Variants in SHANK2 observed in about 807,000 individuals in gnomAD.
SHANK2 encodes SH3 and multiple ankyrin repeat domains 2.
In SHANK2, 43 loss-of-function variants were observed where a neutral mutation model predicts 133.7. That is an observed-to-expected ratio of 0.32 (90% CI 0.25 to 0.41). The LOEUF is 0.41. Ranked by LOEUF, SHANK2 falls within the 10% of genes least tolerant of loss-of-function variation. SHANK2 has a pLI of 1.00. For synonymous variants in SHANK2, 1,017 were observed against 952.8 expected (o/e 1.07, Z -1.24); for missense variants, 1,994 against 2,235.8 (o/e 0.89, Z 2.18).
intron 11 of SHANK2, among the ~76,000 whole-genome samples, chr11:70,856,773 T>C (rs1402566746): frequency 6.6e-6 from 1 of 152,160 alleles, no homozygotes; most frequent in Non-Finnish European, 1.5e-5. Flanking sequence ...TCAAGGATCT[T>C]ACACAGAGTC....
intron 13 of SHANK2, among the ~76,000 whole-genome samples, chr11:70,799,668 G>C (rs1393963794): frequency 6.6e-6 from 1 of 152,116 alleles, no homozygotes; most frequent in African/African-American, 2.4e-5. Context: ...TTCCCCAGGA[G>C]AGAAGGGATG....
intron 1 of SHANK2, among the ~76,000 whole-genome samples, chr11:71,248,665 G>C (rs1948128689): frequency 6.6e-6 from 1 of 152,200 alleles, no homozygotes; most frequent in Admixed American, 6.5e-5. Context: ...TGCAGCTCCT[G>C]ACGTTATTAT....
rs78567887 is a variant in SHANK2 at position 71,203,912 on chromosome 11, G to C, written c.-13+20785C>G. Among the ~76,000 whole-genome samples, 321 of 152,332 alleles carry C rather than the reference G, an allele frequency of 2.1e-3. 1 individual carries two copies. Among genetic ancestry groups the C allele is most frequent in the Non-Finnish European group, 3.2e-3 (221 of 68,032 alleles). On this transcript the variant is annotated intron_variant, in intron 2 of 25. Coordinates refer to ENST00000601538, the MANE Select transcript of SHANK2 (RefSeq NM_012309.5). ...CCTTGTGTGCTGTCACACATCTTTG[G>C]GGGGAACCATCTACGTGCCGCCCCG...
chr11:70,900,673 T>C (rs1389896816), intron 10 of SHANK2, among the ~76,000 whole-genome samples: 1 of 152,186 alleles, frequency 6.6e-6, no homozygotes. Flanking sequence ...AATGCAAACA[T>C]TTACTTGTGA....
chr11:70,911,349 CCA>C (rs1555078983), intron 10 of SHANK2, among the ~76,000 whole-genome samples: 1 of 150,016 alleles, frequency 6.7e-6, no homozygotes, highest in Non-Finnish European at 1.5e-5. Context: ...TAGTGAGACT[CCA>C]TCTCAAAAAA....
chr11:70,499,620 A>C (rs369417471), intron 21 of SHANK2, among the ~76,000 whole-genome samples: 2 of 152,230 alleles, frequency 1.3e-5, no homozygotes, highest in East Asian at 3.9e-4. Flanking sequence ...AGGGGTGTTC[A>C]CACACAAACG....
chr11:70,485,448 A>T lies in SHANK2; in HGVS notation c.4845T>A (p.Ile1615=), dbSNP rs2058787747. The change falls in exon 25 of 26, where the codon ATT becomes ATA. Residue 1615 remains isoleucine, a synonymous_variant. Transcript: ENST00000601538. This position sits in a 1 kb window ranked among gnomAD's most constrained non-coding sequence, Gnocchi z 5.8. ...TAACGTTTGCCTTTGGGCCTGAGAG[A>T]ATCGGGCTTTTGATCTCTGTGACGT... ...WGDVTEIKSP[I]LSGPKANVIS... 3 of 1,613,764 alleles carry T rather than the reference A, an allele frequency of 1.9e-6. No individual in the cohort carries two copies.
At chr11:70,596,453 C>A (rs1415527102) in intron 17 of SHANK2, among the ~76,000 whole-genome samples, 1 of 152,126 alleles carries the variant, frequency 6.6e-6, no homozygotes, top group Non-Finnish European at 1.5e-5. Flanking sequence ...GGACCCCCTA[C>A]CCGGGTTCTA....
chr11:70,519,791 A>C (rs2059308398), intron 17 of SHANK2, among the ~76,000 whole-genome samples: 1 of 151,982 alleles, frequency 6.6e-6, no homozygotes, highest in Non-Finnish European at 1.5e-5. Context: ...GCTGGAGTGC[A>C]GTGGCATGAT....
intron 6 of SHANK2, among the ~76,000 whole-genome samples, chr11:71,108,947 A>G (rs1951844732): frequency 6.6e-6 from 1 of 151,516 alleles, no homozygotes; most frequent in Non-Finnish European, 1.5e-5. Flanking sequence ...GCCCCCCCCC[A>G]GCGTTCAGAG....
At chr11:70,719,868 G>A (rs1482822311) in intron 14 of SHANK2, among the ~76,000 whole-genome samples, 1 of 151,606 alleles carries the variant, frequency 6.6e-6, no homozygotes, top group Non-Finnish European at 1.5e-5. Flanking sequence ...TGAGGAGCTC[G>A]CAGCTGCACA....
intron 17 of SHANK2, among the ~76,000 whole-genome samples, chr11:70,618,399 A>G (rs1461548255): frequency 3.9e-5 from 6 of 152,200 alleles, no homozygotes; most frequent in Non-Finnish European, 8.8e-5. Context: ...TCTTTGAACA[A>G]AAGGACAAAA....
chr11:70,487,391 T>C lies in SHANK2; in HGVS notation c.2902A>G (p.Ser968Gly), dbSNP rs1565530387. ...TTGGCTTGCGGGCCGGCATTCCGAC[T>C]GTAGAGGTCTTCAGAGTCCAAGGAG... ...RYSLDSEDLY[S>G]RNAGPQANFR... is the part of the protein sequence containing the mutation. The change falls in exon 25 of 26, where the codon AGT becomes GGT. Residue 968 changes from serine (S) to glycine (G), a missense_variant. Around this residue, in one of 5 missense-constraint regions of SHANK2, gnomAD observed 488 missense variants for 642.6 expected, o/e 0.76. Transcript: ENST00000601538. This position sits in a 1 kb window ranked among gnomAD's most constrained non-coding sequence, Gnocchi z 5.8. The C allele has an allele frequency of 6.8e-6, 11 of 1,614,146 alleles. No homozygotes were observed. Among genetic ancestry groups the C allele is most frequent in the Non-Finnish European group, 7.6e-6 (9 of 1,180,030 alleles).
intron 2 of SHANK2, among the ~76,000 whole-genome samples, chr11:71,182,426 C>T (rs1382630885): frequency 1.3e-5 from 2 of 152,272 alleles, no homozygotes; most frequent in African/African-American, 4.8e-5. Context: ...GCTCTGGAGG[C>T]CAGAAGTCCA....
chr11:70,880,926 G>T (rs1357304765), intron 11 of SHANK2, among the ~76,000 whole-genome samples: 2 of 152,222 alleles, frequency 1.3e-5, no homozygotes, highest in African/African-American at 4.8e-5. Flanking sequence ...CTAAGCAGGG[G>T]TTGCCAAGAT....
intron 11 of SHANK2, among the ~76,000 whole-genome samples, chr11:70,892,138 G>C (rs2135635518): frequency 6.6e-6 from 1 of 152,292 alleles, no homozygotes; most frequent in African/African-American, 2.4e-5. Flanking sequence ...TCATGAGGCT[G>C]GCACCTTAGT....
Position 70,721,278 on chromosome 11 carries a change from G to A in SHANK2, c.1778-22515C>T, listed in dbSNP as rs1486365377. ...AGGGTTTCCCTCAGGGACTGCAGCC[G>A]CTCCTGGGCACACTCTGAGGCTTCC... is the stretch of plus-strand genomic sequence containing the variant. On this transcript the variant is annotated intron_variant, in intron 14 of 25. Transcript: ENST00000601538. Among the ~76,000 whole-genome samples, 3 of 152,222 alleles carry A rather than the reference G, an allele frequency of 2.0e-5. No homozygotes were observed. In the East Asian group the frequency reaches 5.8e-4, roughly 29 times the overall value.
intron 2 of SHANK2, among the ~76,000 whole-genome samples, chr11:71,152,904 G>A (rs191411713): frequency 1.3e-5 from 2 of 152,246 alleles, no homozygotes; most frequent in East Asian, 1.9e-4. Flanking sequence ...ATTAACTCCC[G>A]GGGAGAGCCA....
intron 17 of SHANK2, among the ~76,000 whole-genome samples, chr11:70,648,239 T>G (rs2061292917): frequency 6.6e-6 from 1 of 152,060 alleles, no homozygotes; most frequent in Non-Finnish European, 1.5e-5. Flanking sequence ...TGCCTGGGGC[T>G]GGGAGGGAGA....
Sources: gnomAD v4.1 joint callset for allele counts (sites outside exome capture counted in the v4.1 genomes callset) on GRCh38, gnomAD v4.1.1 for gene constraint, gnomAD v4.1.1 regional missense constraint, Gnocchi (gnomAD v3.1) non-coding constraint, MANE v1.5 for transcripts, NCBI Gene and HGNC (gene_info 2026-07-23, HGNC 2026-07-21) for gene names.